The following DAPK1 variants were observed in gnomAD, a reference collection of about 807,000 sequenced individuals.
DAPK1 encodes the protein death associated protein kinase 1.
Under a neutral mutation model 144.9 loss-of-function variants are expected in DAPK1, and 56 were observed. The ratio of observed to expected loss-of-function variants is 0.39; its 90% CI spans 0.31 to 0.48. The LOEUF (loss-of-function observed/expected upper bound fraction) is 0.48, where lower values mean the gene tolerates loss of function less well. DAPK1 is among the 20% of genes least tolerant of loss of function. The pLI is 0.95. For missense variants in DAPK1, 1,454 were observed against 1,875.4 expected (o/e 0.78, Z 4.15); for synonymous variants, 690 against 749.0 (o/e 0.92, Z 1.29).
At chr9:87,513,016 T>G (rs1824908592) in intron 2 of DAPK1, among the ~76,000 whole-genome samples, 1 of 152,206 alleles carries the variant, frequency 6.6e-6, no homozygotes, top group South Asian at 2.1e-4. Flanking sequence ...CTTTAGTTTG[T>G]AAAAGTAACA....
rs1830265371 is a variant in DAPK1, at chr9:87,646,368, CAG to C, written c.1132-92_1132-91del. The C allele has an allele frequency of 4.4e-6, 4 of 912,858 alleles. No individual in the cohort carries two copies. The East Asian group carries it at 7.3e-5, about 17-fold the overall frequency. The allele number at this position is 912,858 out of a possible 1,614,324, so 56.5% of individuals were successfully genotyped here. A position where few individuals can be genotyped will look rare whatever the true frequency, so the allele number is the denominator to read the frequency against. Reference sequence around the variant, plus strand: ...AGTGGTAGCTCTATGTCTGTTGAGACAGGGGAAGGTGTGTGGTAACAGCAATC... The same window carrying C: ...AGTGGTAGCTCTATGTCTGTTGAGACGGGAAGGTGTGTGGTAACAGCAATC... On this transcript the variant is annotated intron_variant, in intron 12 of 25. Coordinates refer to ENST00000408954, the MANE Select transcript of DAPK1 (RefSeq NM_004938.4).
intron 3 of DAPK1, among the ~76,000 whole-genome samples, chr9:87,609,128 C>G (rs1172593306): frequency 6.6e-6 from 1 of 152,190 alleles, no homozygotes; most frequent in Non-Finnish European, 1.5e-5. Context: ...CCTAACGTGG[C>G]TTTGAACTGG....
intron 21 of DAPK1, among the ~76,000 whole-genome samples, chr9:87,689,602 T>G (rs897702417): frequency 1.3e-4 from 20 of 152,174 alleles, no homozygotes; most frequent in Non-Finnish European, 2.1e-4. Flanking sequence ...ACCAATGTCC[T>G]GAAGCCTGTC....
At chr9:87,693,936 C>G (rs1198115375) in intron 21 of DAPK1, among the ~76,000 whole-genome samples, 3 of 152,130 alleles carry the variant, frequency 2.0e-5, no homozygotes, top group Non-Finnish European at 2.9e-5. Flanking sequence ...GTGGGCCAGT[C>G]CTCAGAACCT....
intron 18 of DAPK1, 26 bp from the exon 19 acceptor site, chr9:87,668,571 G>C (rs995518528): frequency 1.2e-5 from 13 of 1,087,684 alleles, no homozygotes; most frequent in Non-Finnish European, 1.7e-5. Context: ...TCAGAGAAAA[G>C]AAACTAATGC....
intron 2 of DAPK1, among the ~76,000 whole-genome samples, chr9:87,534,938 T>A (rs960518916): frequency 6.6e-6 from 1 of 152,068 alleles, no homozygotes; most frequent in African/African-American, 2.4e-5. Flanking sequence ...AGCCACCCCG[T>A]CCGATTCTTG....
At chr9:87,547,893 G>C (rs550217140) in intron 2 of DAPK1, among the ~76,000 whole-genome samples, 1 of 152,146 alleles carries the variant, frequency 6.6e-6, no homozygotes, top group Non-Finnish European at 1.5e-5. Context: ...GCACCTTCAC[G>C]GAAACATCTA....
intron 20 of DAPK1, among the ~76,000 whole-genome samples, chr9:87,684,492 A>G (rs1288813362): frequency 6.6e-6 from 1 of 152,184 alleles, no homozygotes; most frequent in African/African-American, 2.4e-5. Context: ...GCCCTTTTCC[A>G]CTGCCGTTCT....
At chr9:87,577,231 G>C (rs1277050739) in intron 2 of DAPK1, among the ~76,000 whole-genome samples, 1 of 152,164 alleles carries the variant, frequency 6.6e-6, no homozygotes, top group East Asian at 1.9e-4. Flanking sequence ...CTGGAAACTG[G>C]TTAGAAATGC....
At chr9:87,551,096 A>C (rs1826466285) in intron 2 of DAPK1, among the ~76,000 whole-genome samples, 1 of 152,004 alleles carries the variant, frequency 6.6e-6, no homozygotes, top group Non-Finnish European at 1.5e-5. Flanking sequence ...AGTAGCTACA[A>C]ACCACAGATC....
chr9:87,669,958 ACT>A (rs1434808101), intron 19 of DAPK1, among the ~76,000 whole-genome samples: 3 of 152,078 alleles, frequency 2.0e-5, no homozygotes, highest in South Asian at 2.1e-4. Flanking sequence ...ATGTTAATAA[ACT>A]CTGAGAGCTG....
At chr9:87,551,563 T>G (rs1311422299) in intron 2 of DAPK1, among the ~76,000 whole-genome samples, 2 of 151,884 alleles carry the variant, frequency 1.3e-5, no homozygotes, top group Non-Finnish European at 2.9e-5. Context: ...GGGGAGAAGG[T>G]CCTGTTCCCA....
At chr9:87,620,614 G>C (rs949424900) in intron 3 of DAPK1, among the ~76,000 whole-genome samples, 2 of 151,460 alleles carry the variant, frequency 1.3e-5, no homozygotes, top group African/African-American at 4.9e-5. Flanking sequence ...GAGGAGGACC[G>C]GGAATAGGAC....
At chr9:87,543,344 C>T (rs1826123017) in intron 2 of DAPK1, among the ~76,000 whole-genome samples, 2 of 152,172 alleles carry the variant, frequency 1.3e-5, no homozygotes, top group African/African-American at 2.4e-5. Flanking sequence ...AGTTTCAGTG[C>T]TTATCACTTA....
intron 24 of DAPK1, 132 bp from the exon 25 acceptor site, chr9:87,702,897 C>A: frequency 4.9e-6 from 3 of 617,888 alleles, no homozygotes; most frequent in Admixed American, 2.7e-5. Flanking sequence ...ACGTCAACAA[C>A]AACAAAAAAA....
At chr9:87,685,709 A>G (rs1440137809) in intron 20 of DAPK1, among the ~76,000 whole-genome samples, 1 of 152,202 alleles carries the variant, frequency 6.6e-6, no homozygotes, top group East Asian at 1.9e-4. Context: ...TACAACACCC[A>G]CAAGTTCACC....
intron 3 of DAPK1, among the ~76,000 whole-genome samples, chr9:87,617,217 A>G (rs919110321): frequency 8.5e-5 from 13 of 152,160 alleles, no homozygotes; most frequent in Admixed American, 6.5e-5. Flanking sequence ...TTTAAAAGGG[A>G]GTACATTTTT....
intron 19 of DAPK1, among the ~76,000 whole-genome samples, chr9:87,670,395 G>T (rs1831213545): frequency 6.6e-6 from 1 of 152,164 alleles, no homozygotes; most frequent in Non-Finnish European, 1.5e-5. Context: ...TCTGGTTTTT[G>T]CACAGGCTAA....
At chr9:87,550,193 C>T (rs528788284) in intron 2 of DAPK1, among the ~76,000 whole-genome samples, 1 of 152,216 alleles carries the variant, frequency 6.6e-6, no homozygotes, top group Non-Finnish European at 1.5e-5. Flanking sequence ...TTCCCACCCC[C>T]ATCCCTCCAA....
Sources: allele counts gnomAD v4.1 joint callset (sites outside exome capture counted in the v4.1 genomes callset), GRCh38; gene constraint gnomAD v4.1.1; transcripts MANE v1.5; gene names NCBI Gene and HGNC (gene_info 2026-07-23, HGNC 2026-07-21).